The following SORCS3 variants were observed in gnomAD, a reference collection of about 807,000 sequenced individuals.
SORCS3 encodes the protein VPS10 domain-containing receptor SorCS3.
SORCS3 carries 57 observed loss-of-function variants against 146.3 expected under a neutral mutation model. The ratio of observed to expected loss-of-function variants is 0.39; its 90% CI spans 0.31 to 0.49. The LOEUF (loss-of-function observed/expected upper bound fraction) is 0.49. Among genes scored for constraint, SORCS3 ranks in the 20% least tolerant of loss-of-function variants. The probability of loss-of-function intolerance (pLI) is 0.92; values close to 1 mark genes in which losing one functional copy is unlikely to be tolerated. For missense variants in SORCS3, 1,341 were observed against 1,575.5 expected, an observed-to-expected ratio of 0.85 and a Z score of 2.52; for synonymous variants, 653 against 618.5, an observed-to-expected ratio of 1.06 and a Z score of -0.83.
At chr10:105,235,485 G>T (rs878904079) in intron 20 of SORCS3, among the ~76,000 whole-genome samples, 86 of 138,250 alleles carry the variant, frequency 6.2e-4, no homozygotes, top group African/African-American at 2.0e-3. Context: ...GAAAACTCTG[G>T]TTTTTTTTTT....
chr10:105,032,644 G>A (rs1470550511), intron 4 of SORCS3, among the ~76,000 whole-genome samples: 2 of 152,084 alleles, frequency 1.3e-5, no homozygotes, highest in Admixed American at 6.6e-5. Flanking sequence ...CAAGTTGAAC[G>A]TAGCTATTAT....
At chr10:104,718,377 C>G (rs1400284969) in intron 1 of SORCS3, among the ~76,000 whole-genome samples, 2 of 152,078 alleles carry the variant, frequency 1.3e-5, no homozygotes, top group Non-Finnish European at 2.9e-5. Context: ...AACCCGTTCC[C>G]TCCATAATGA....
intron 23 of SORCS3, among the ~76,000 whole-genome samples, chr10:105,253,497 G>C (rs951583870): frequency 2.0e-5 from 3 of 152,196 alleles, no homozygotes; most frequent in South Asian, 4.1e-4. Context: ...TCTGCACGCT[G>C]TCCTGGAAGT....
intron 4 of SORCS3, among the ~76,000 whole-genome samples, chr10:105,009,844 T>G (rs779367527): frequency 4.6e-5 from 7 of 152,198 alleles, no homozygotes; most frequent in Non-Finnish European, 1.0e-4. Flanking sequence ...TGCCATTCTT[T>G]TAGAAGATCA....
At chr10:105,132,041 C>T (rs1417854729) in intron 7 of SORCS3, among the ~76,000 whole-genome samples, 1 of 152,064 alleles carries the variant, frequency 6.6e-6, no homozygotes, top group Non-Finnish European at 1.5e-5. Context: ...GGACCCATTC[C>T]CCTCCACATA....
Position 104,734,932 on chromosome 10 carries a change from G to T in SORCS3, c.627+92978G>T, listed in dbSNP as rs1463520252. The stretch of plus-strand genomic sequence containing the variant: ...ATGAGATGAAGTATGTGCAGGGCCT[G>T]TTATTAACTTATTACTAATACATCT... On this transcript the variant is annotated intron_variant, in intron 1 of 26. Coordinates refer to ENST00000369701, the MANE Select transcript of SORCS3 (RefSeq NM_014978.3). 2.6e-5 allele frequency among the ~76,000 whole-genome samples: 4 copies of T among 152,156 alleles called. 1 individual carries two copies. The East Asian group carries it at 7.7e-4, about 29-fold the overall frequency.
chr10:105,176,509 C>T (rs901335341), intron 13 of SORCS3, among the ~76,000 whole-genome samples: 11 of 152,060 alleles, frequency 7.2e-5, no homozygotes, highest in Admixed American at 6.6e-4. Context: ...GCTATGATCA[C>T]GCCGATGCAC....
chr10:105,252,941 T>C (rs746588120), intron 23 of SORCS3, 35 bp downstream of exon 23: 1 of 1,610,262 alleles, frequency 6.2e-7, no homozygotes, highest in South Asian at 1.1e-5. Flanking sequence ...GACCCTTGCC[T>C]GCACCCTACA....
chr10:104,708,629 T>C (rs1400178023), intron 1 of SORCS3, among the ~76,000 whole-genome samples: 1 of 152,220 alleles, frequency 6.6e-6, no homozygotes, highest in Admixed American at 6.5e-5. Context: ...TCATAAATCC[T>C]GTTTTTCTGT....
At chr10:105,160,867 T>A (rs1589663189) in intron 11 of SORCS3, among the ~76,000 whole-genome samples, 1 of 152,278 alleles carries the variant, frequency 6.6e-6, no homozygotes, top group East Asian at 1.9e-4. Flanking sequence ...ACTTATTAGG[T>A]TTGTGCATTT....
chr10:104,882,979 T>C (rs540128961), intron 2 of SORCS3, among the ~76,000 whole-genome samples: 2 of 152,322 alleles, frequency 1.3e-5, no homozygotes, highest in East Asian at 1.9e-4. Context: ...ACTAACATTA[T>C]GGAATCACAG....
At position 105,256,907 on chromosome 10, in the gene SORCS3, G is replaced by T. The variant is rs75048624; in HGVS notation, c.3426G>T (p.Leu1142Phe). Residue 1142 changes from leucine to phenylalanine, a missense_variant, in exon 25 of 27, where the codon TTG becomes TTT. By Grantham distance (22) the Leu-to-Phe change is conservative (BLOSUM62 0). Transcript: ENST00000369701. ...TATTTGTTGGCCTGGCTGTGTTTTT[G>T]ATCTACAAGTTTAAAAGGTATGTCC... ...SVVFVGLAVF[L>F]IYKFKRKIPW... The T allele has an allele frequency of 6.2e-7, 1 of 1,613,758 alleles. No homozygotes were observed. The highest frequency in any genetic ancestry group is 1.3e-5 in the African/African-American group (1 of 75,032).
intron 18 of SORCS3, 77 bp downstream of exon 18, chr10:105,214,690 T>C (rs1053223133): frequency 1.5e-5 from 20 of 1,325,084 alleles, no homozygotes; most frequent in Non-Finnish European, 1.8e-5. Context: ...AGATCTTACA[T>C]TCCCACAGAC....
chr10:104,662,661 G>A (rs2015717432), intron 1 of SORCS3, among the ~76,000 whole-genome samples: 3 of 152,298 alleles, frequency 2.0e-5, no homozygotes, highest in South Asian at 4.1e-4. Context: ...CAATTAGACT[G>A]GCATGTTCTT....
Position 105,081,235 on chromosome 10 carries a change from A to C in SORCS3, c.1029-8540A>C, listed in dbSNP as rs534432389. 2.6e-5 allele frequency among the ~76,000 whole-genome samples: 4 copies of C among 152,342 alleles called. No individual in the cohort carries two copies. In the South Asian group the frequency reaches 8.3e-4, roughly 32 times the overall value. Reference sequence around the variant, plus strand: ...TAATATTTCCCTCATGCATACCCCAATATTCAGTGTTTTTAATTCCTGGGG... The same window carrying C: ...TAATATTTCCCTCATGCATACCCCACTATTCAGTGTTTTTAATTCCTGGGG... On this transcript the variant is annotated intron_variant, in intron 5 of 26. Coordinates refer to ENST00000369701, the MANE Select transcript of SORCS3 (RefSeq NM_014978.3).
chr10:104,846,913 T>C (rs2018212736), intron 2 of SORCS3, among the ~76,000 whole-genome samples: 1 of 152,210 alleles, frequency 6.6e-6, no homozygotes, highest in Admixed American at 6.5e-5. Context: ...ACTCCCTGGC[T>C]CTTCATCTGA....
intron 3 of SORCS3, among the ~76,000 whole-genome samples, chr10:104,942,197 T>C (rs59822520): frequency 0.11 from 17,252 of 152,210 alleles, 1,556 homozygotes; most frequent in African/African-American, 0.26. Flanking sequence ...ATTTCACACA[T>C]TTTCCCAGGA....
At chr10:104,860,780 G>C (rs978797306) in intron 2 of SORCS3, among the ~76,000 whole-genome samples, 44 of 152,176 alleles carry the variant, frequency 2.9e-4, no homozygotes, top group Non-Finnish European at 4.4e-5. Flanking sequence ...GAGAGCTTCA[G>C]TAACTTTCCT....
intron 1 of SORCS3, among the ~76,000 whole-genome samples, chr10:104,713,921 A>C (rs76147373): frequency 6.6e-6 from 1 of 152,242 alleles, no homozygotes; most frequent in East Asian, 1.9e-4. Context: ...TTATTGACTC[A>C]ATTTCTTTAA....
Sources: allele counts gnomAD v4.1 joint callset (sites outside exome capture counted in the v4.1 genomes callset), GRCh38; gene constraint gnomAD v4.1.1; transcripts MANE v1.5; gene names NCBI Gene and HGNC (gene_info 2026-07-23, HGNC 2026-07-21).